Variants in ZNF407 observed in about 807,000 individuals in gnomAD.
ZNF407 encodes the protein zinc finger protein 407.
Under a neutral mutation model 131.2 loss-of-function variants are expected in ZNF407, and 17 were observed. The ratio of observed to expected loss-of-function variants is 0.13; its 90% CI spans 0.09 to 0.19. ZNF407 has a LOEUF of 0.19. Among genes scored for constraint, ZNF407 ranks in the 10% least tolerant of loss-of-function variants. The pLI, the probability that ZNF407 is intolerant of heterozygous loss-of-function variation, is 1.00. For synonymous variants in ZNF407, 1,156 were observed against 1,062.0 expected (o/e 1.09, Z -1.72); for missense variants, 2,681 against 2,830.6 (o/e 0.95, Z 1.20).
chr18:75,060,801 G>T (rs1973624092), intron 8 of ZNF407, among the ~76,000 whole-genome samples: 1 of 152,178 alleles, frequency 6.6e-6, no homozygotes, highest in Non-Finnish European at 1.5e-5. Flanking sequence ...CACCGCGCCC[G>T]GCCGCAGCTC....
At chr18:74,974,064 TC>T in intron 8 of ZNF407, among the ~76,000 whole-genome samples, 1 of 152,198 alleles carries the variant, frequency 6.6e-6, no homozygotes, top group Non-Finnish European at 1.5e-5. Flanking sequence ...AATTAATTTA[TC>T]ATAGTATATA....
intron 7 of ZNF407, among the ~76,000 whole-genome samples, chr18:74,892,607 C>T (rs1599225106): frequency 2.0e-5 from 3 of 152,054 alleles, no homozygotes; most frequent in African/African-American, 7.2e-5. Context: ...TGTGTTAAAA[C>T]GTTGTTTAGA....
At chr18:74,843,811 C>G (rs1037669631) in intron 4 of ZNF407, among the ~76,000 whole-genome samples, 16 of 152,078 alleles carry the variant, frequency 1.1e-4, no homozygotes, top group Admixed American at 9.8e-4. Context: ...AAGGGATAAG[C>G]CATGTTCCAC....
intron 3 of ZNF407, among the ~76,000 whole-genome samples, chr18:74,760,773 A>C (rs959383561): frequency 6.6e-6 from 1 of 152,156 alleles, no homozygotes; most frequent in East Asian, 1.9e-4. Context: ...GCTGGTTTTC[A>C]GATCTACTCT....
At chr18:74,768,302 T>G (rs956499990) in intron 3 of ZNF407, among the ~76,000 whole-genome samples, 1 of 152,186 alleles carries the variant, frequency 6.6e-6, no homozygotes, top group South Asian at 2.1e-4. Flanking sequence ...CCTAGATCCC[T>G]CTTAGACAAG....
chr18:75,046,901 G>A (rs764431466), intron 8 of ZNF407, among the ~76,000 whole-genome samples: 2 of 152,026 alleles, frequency 1.3e-5, no homozygotes, highest in African/African-American at 4.8e-5. Flanking sequence ...TATACTAGTC[G>A]AATTTAAGTC....
At chr18:74,800,307 C>T (rs1279780363) in intron 4 of ZNF407, among the ~76,000 whole-genome samples, 1 of 151,930 alleles carries the variant, frequency 6.6e-6, no homozygotes, top group Admixed American at 6.6e-5. Context: ...TGTGCATTCC[C>T]CTGCTTTTGA....
At chr18:74,769,587 T>C (rs187550369) in intron 3 of ZNF407, among the ~76,000 whole-genome samples, 5 of 152,360 alleles carry the variant, frequency 3.3e-5, no homozygotes, top group African/African-American at 1.2e-4. Flanking sequence ...TACAGTTGTT[T>C]ACAAAATTCA....
chr18:74,963,660 A>G (rs987773430), intron 8 of ZNF407, among the ~76,000 whole-genome samples: 13 of 152,244 alleles, frequency 8.5e-5, no homozygotes, highest in African/African-American at 2.9e-4. Flanking sequence ...AAAGCAAATT[A>G]TTCCACATTT....
intron 8 of ZNF407, among the ~76,000 whole-genome samples, chr18:74,942,737 T>C (rs1972113848): frequency 1.3e-5 from 2 of 152,122 alleles, no homozygotes; most frequent in Admixed American, 6.6e-5. Context: ...CTGGCAGTCA[T>C]GCTTTCACCC....
Position 74,633,380 on chromosome 18 carries a change from A to C in ZNF407, c.2361A>C (p.Glu787Asp). Residue 787 changes from glutamate to aspartate, a missense_variant, in exon 2 of 9, where the codon GAA becomes GAC. Transcript: ENST00000299687. ...GTATAGGTGCAAATGATAAAAAAGA[A>C]GAGTTTGATGTTTCCGGAAATGGAA... ...RVCIGANDKK[E>D]EFDVSGNGRI... is the part of the protein sequence containing the mutation. The C allele has an allele frequency of 6.2e-7, 1 of 1,614,022 alleles. No individual in the cohort carries two copies. The highest frequency in any genetic ancestry group is 8.5e-7 in the Non-Finnish European group (1 of 1,179,896).
At chr18:74,687,245 G>A (rs574453835) in intron 3 of ZNF407, among the ~76,000 whole-genome samples, 1 of 152,294 alleles carries the variant, frequency 6.6e-6, no homozygotes, top group East Asian at 1.9e-4. Context: ...GTCCTCGAGA[G>A]GCTGAGGCAA....
chr18:74,881,439 G>T (rs562951439), intron 6 of ZNF407, among the ~76,000 whole-genome samples: 1 of 152,078 alleles, frequency 6.6e-6, no homozygotes, highest in African/African-American at 2.4e-5. Context: ...TCTGCCTTAG[G>T]CCTCGTGGGT....
intron 1 of ZNF407, among the ~76,000 whole-genome samples, chr18:74,619,972 A>G (rs2144636669): frequency 6.6e-6 from 1 of 152,074 alleles, no homozygotes; most frequent in East Asian, 1.9e-4. Context: ...TTTCTGCTTA[A>G]CTCGTAGAAT....
chr18:74,943,452 T>C (rs575364299), intron 8 of ZNF407, among the ~76,000 whole-genome samples: 1 of 152,312 alleles, frequency 6.6e-6, no homozygotes, highest in Admixed American at 6.5e-5. Flanking sequence ...TGAAGGGAAC[T>C]GGACCATGAA....
chr18:74,894,062 A>C (rs971590218), intron 7 of ZNF407, among the ~76,000 whole-genome samples: 2 of 152,134 alleles, frequency 1.3e-5, no homozygotes, highest in Admixed American at 1.3e-4. Flanking sequence ...ATTTGTTTAC[A>C]AAATAACTTT....
chr18:74,918,227 G>A (rs569750184), intron 7 of ZNF407, among the ~76,000 whole-genome samples: 2 of 152,214 alleles, frequency 1.3e-5, no homozygotes, highest in South Asian at 2.1e-4. Flanking sequence ...TCTCTGATAC[G>A]TAAATTTTAA....
intron 4 of ZNF407, among the ~76,000 whole-genome samples, chr18:74,848,979 A>G (rs982418661): frequency 1.3e-5 from 2 of 151,196 alleles, no homozygotes; most frequent in African/African-American, 4.9e-5. Context: ...GTGGCAAACC[A>G]TGGATTTGAA....
chr18:74,862,252 G>A (rs1400137084), intron 4 of ZNF407, among the ~76,000 whole-genome samples: 4 of 152,134 alleles, frequency 2.6e-5, no homozygotes, highest in Non-Finnish European at 4.4e-5. Context: ...TTTTATGACC[G>A]GTAACTTTAC....
Sources: allele counts gnomAD v4.1 joint callset (sites outside exome capture counted in the v4.1 genomes callset), GRCh38; gene constraint gnomAD v4.1.1; transcripts MANE v1.5; gene names NCBI Gene and HGNC (gene_info 2026-07-23, HGNC 2026-07-21).